Variants in BABAM2 observed in about 807,000 individuals in gnomAD.
The protein encoded by BABAM2 is BRISC and BRCA1 A complex member 2, also known as BRISC and BRCA1-A complex member 2.
In BABAM2, 31 loss-of-function variants were observed where a neutral mutation model predicts 54.7. That is an observed-to-expected ratio of 0.57 (90% CI 0.43 to 0.77). The LOEUF is 0.77. Ranked by LOEUF, BABAM2 falls within the 30% of genes least tolerant of loss-of-function variation. The pLI, the probability that BABAM2 is intolerant of heterozygous loss-of-function variation, is 0.00. For synonymous variants in BABAM2, 167 were observed against 162.9 expected (o/e 1.03, Z -0.19); for missense variants, 364 against 455.8 (o/e 0.80, Z 1.83).
rs140784043 is a variant in BABAM2 at position 28,310,794 on chromosome 2, G to A, written c.1088+12303G>A. 4.0e-3 allele frequency among the ~76,000 whole-genome samples: 602 copies of A among 152,286 alleles called. 7 individuals are homozygous for A. The highest frequency in any genetic ancestry group is 0.014 in the African/African-American group (584 of 41,548). On this transcript the variant is annotated intron_variant, in intron 11 of 11. Transcript: ENST00000379624. ...AGCTACTTAGGAGACTGAGGCAGGA[G>A]GATCACTTGAACCGGGGAGGCAGAG...
intron 2 of BABAM2, among the ~76,000 whole-genome samples, chr2:27,897,654 T>G (rs1251246212): frequency 6.6e-6 from 1 of 151,998 alleles, no homozygotes; most frequent in Admixed American, 6.6e-5. Flanking sequence ...TTTTTGTTGA[T>G]TTTTACTGGT....
At chr2:28,314,457 GCT>G (rs1174804753) in intron 11 of BABAM2, among the ~76,000 whole-genome samples, 1 of 152,198 alleles carries the variant, frequency 6.6e-6, no homozygotes, top group African/African-American at 2.4e-5. Flanking sequence ...GCTGAGCTCA[GCT>G]CTCTGTTTAG....
chr2:28,116,971 T>C (rs1442405483), intron 6 of BABAM2, among the ~76,000 whole-genome samples: 3 of 152,260 alleles, frequency 2.0e-5, no homozygotes, highest in Admixed American at 6.5e-5. Flanking sequence ...TGTATTCAAA[T>C]GGCATACTCC....
At chr2:28,237,672 CGTGTGTGCATGTGTTTGGCAGTAGTTG>C (rs551980427) in intron 8 of BABAM2, among the ~76,000 whole-genome samples, 311 of 152,304 alleles carry the variant, frequency 2.0e-3, no homozygotes, top group African/African-American at 7.2e-3. Flanking sequence ...TGCATGCACA[CGTGTGTGCATGTGTTTGGCAGTAGTTG>C]GTATCCGCGT....
intron 6 of BABAM2, among the ~76,000 whole-genome samples, chr2:28,111,096 G>A (rs1369470868): frequency 6.7e-6 from 1 of 149,460 alleles, no homozygotes; most frequent in Non-Finnish European, 1.5e-5. Context: ...AGCCTCCCAA[G>A]TATCTGGGAT....
chr2:27,917,580 ATTT>A (rs901255444), intron 2 of BABAM2, among the ~76,000 whole-genome samples: 9 of 152,050 alleles, frequency 5.9e-5, no homozygotes, highest in African/African-American at 2.2e-4. Context: ...CGCTAATCCT[ATTT>A]ATGAGGCCTC....
intron 10 of BABAM2, among the ~76,000 whole-genome samples, chr2:28,254,241 A>G (rs146810971): frequency 2.0e-5 from 3 of 152,190 alleles, no homozygotes; most frequent in African/African-American, 4.8e-5. Context: ...GGTTCAAGCA[A>G]TTCTCCTGCC....
intron 7 of BABAM2, among the ~76,000 whole-genome samples, chr2:28,215,600 C>A (rs1250976701): frequency 1.3e-5 from 2 of 152,150 alleles, no homozygotes; most frequent in Non-Finnish European, 2.9e-5. Flanking sequence ...ACTTTTTTAT[C>A]TTGCATCCAT....
rs561298755 is a variant in BABAM2, at chr2:28,322,731, C to A, written c.1089-15719C>A. Among the ~76,000 whole-genome samples, 3 of 152,330 alleles carry A rather than the reference C, an allele frequency of 2.0e-5. No individual in the cohort carries two copies. The highest frequency in any genetic ancestry group is 6.5e-5 in the Admixed American group (1 of 15,300). ...GGGTAGGTGTCAGGTAGGTGGGAGA[C>A]CCCCAGCATGTTGCAGGCCCAGGAA... On this transcript the variant is annotated intron_variant, in intron 11 of 11. Coordinates refer to ENST00000379624, the MANE Select transcript of BABAM2 (RefSeq NM_199191.3). The surrounding 1 kb of genome is among the most constrained non-coding windows in gnomAD (Gnocchi z 4.1).
intron 7 of BABAM2, among the ~76,000 whole-genome samples, chr2:28,157,898 C>T (rs977432058): frequency 3.3e-5 from 5 of 152,140 alleles, no homozygotes; most frequent in Non-Finnish European, 5.9e-5. Context: ...CATGAGCTAC[C>T]GTGCCCAGCC....
intron 4 of BABAM2, among the ~76,000 whole-genome samples, 198 bp downstream of exon 4, chr2:27,988,285 GT>G (rs1672543861): frequency 6.6e-6 from 1 of 152,030 alleles, no homozygotes. Context: ...TTGCTGTTTA[GT>G]TTCAGGGTAT....
At chr2:28,122,382 T>C (rs570045718) in intron 6 of BABAM2, among the ~76,000 whole-genome samples, 1 of 152,238 alleles carries the variant, frequency 6.6e-6, no homozygotes, top group African/African-American at 2.4e-5. Context: ...GGCAGGAGGA[T>C]CACTTGAGCC....
At chr2:27,935,819 GGACCCT>G (rs1389915967) in intron 3 of BABAM2, among the ~76,000 whole-genome samples, 2 of 152,322 alleles carry the variant, frequency 1.3e-5, no homozygotes, top group Middle Eastern at 3.4e-3. Context: ...CATCAAGGCA[GGACCCT>G]GCAGTAGCAA....
intron 7 of BABAM2, among the ~76,000 whole-genome samples, chr2:28,183,006 G>A (rs74547670): frequency 6.6e-6 from 1 of 152,134 alleles, no homozygotes; most frequent in Non-Finnish European, 1.5e-5. Flanking sequence ...ACTGCCTTAG[G>A]GTTGGGAAGA....
At chr2:28,114,201 G>A (rs1229268428) in intron 6 of BABAM2, among the ~76,000 whole-genome samples, 1 of 151,896 alleles carries the variant, frequency 6.6e-6, no homozygotes, top group Non-Finnish European at 1.5e-5. Flanking sequence ...GAAATAAAGA[G>A]TATTCAAACA....
intron 6 of BABAM2, among the ~76,000 whole-genome samples, chr2:28,078,237 G>A (rs750210496): frequency 2.0e-5 from 3 of 151,696 alleles, no homozygotes; most frequent in Non-Finnish European, 4.4e-5. Context: ...TCTGATATTG[G>A]TTATATCATA....
At chr2:28,113,377 G>A (rs34722407) in intron 6 of BABAM2, among the ~76,000 whole-genome samples, 21,191 of 152,132 alleles carry the variant, frequency 0.14, 1,686 homozygotes, top group African/African-American at 0.22. Context: ...CATAAGGATA[G>A]CCAGTTTTCC....
At chr2:28,175,332 C>T (rs779920722) in intron 7 of BABAM2, among the ~76,000 whole-genome samples, 1 of 152,276 alleles carries the variant, frequency 6.6e-6, no homozygotes, top group Non-Finnish European at 1.5e-5. Context: ...GAGCACTCCA[C>T]CTGGGGGCCT....
intron 5 of BABAM2, among the ~76,000 whole-genome samples, chr2:28,043,461 T>G (rs766142176): frequency 6.6e-6 from 1 of 152,190 alleles, no homozygotes; most frequent in Non-Finnish European, 1.5e-5. Flanking sequence ...GTGGTCCTTC[T>G]TCTGTGGCAC....
Sources: gnomAD v4.1 joint callset for allele counts (sites outside exome capture counted in the v4.1 genomes callset) on GRCh38, gnomAD v4.1.1 for gene constraint, Gnocchi (gnomAD v3.1) non-coding constraint, MANE v1.5 for transcripts, NCBI Gene and HGNC (gene_info 2026-07-23, HGNC 2026-07-21) for gene names.